The following SLCO1B3 variants were observed in gnomAD, a reference collection of about 807,000 sequenced individuals.
SLCO1B3 encodes the protein liver-specific organic anion transporter 2.
Under a neutral mutation model 71.8 loss-of-function variants are expected in SLCO1B3, and 72 were observed. The ratio of observed to expected loss-of-function variants is 1.00; its 90% CI spans 0.83 to 1.22. The LOEUF is 1.22. Among genes scored for constraint, SLCO1B3 ranks in the 50% most tolerant of loss-of-function variants. The pLI is 0.00. For synonymous variants in SLCO1B3, 298 were observed against 278.4 expected, an observed-to-expected ratio of 1.07 and a Z score of -0.70; for missense variants, 911 against 819.7, an observed-to-expected ratio of 1.11 and a Z score of -1.36.
intron 15 of SLCO1B3, among the ~76,000 whole-genome samples, chr12:20,902,808 A>G (rs1200287476): frequency 6.6e-6 from 1 of 152,012 alleles, no homozygotes; most frequent in Non-Finnish European, 1.5e-5. Flanking sequence ...GTGGCTCACA[A>G]CTGTAATCCT....
chr12:20,843,841 A>G (rs933375327), intron 3 of SLCO1B3, among the ~76,000 whole-genome samples: 14 of 151,600 alleles, frequency 9.2e-5, no homozygotes, highest in African/African-American at 2.7e-4. Context: ...TAAAATTGAT[A>G]TGCTTTCTTT....
intron 4 of SLCO1B3, among the ~76,000 whole-genome samples, chr12:20,855,914 A>G (rs1482143420): frequency 3.3e-5 from 5 of 151,874 alleles, no homozygotes; most frequent in Non-Finnish European, 7.4e-5. Flanking sequence ...CAAATTGTCT[A>G]TTATATAGAC....
At chr12:20,898,670 C>A (rs917117075) in intron 14 of SLCO1B3, among the ~76,000 whole-genome samples, 170 bp downstream of exon 14, 2 of 152,014 alleles carry the variant, frequency 1.3e-5, no homozygotes, top group African/African-American at 4.8e-5. Flanking sequence ...ATTGAGTGGT[C>A]TAAAAGATAA....
chr12:20,836,689 T>C (rs944997212), intron 3 of SLCO1B3, among the ~76,000 whole-genome samples: 1 of 152,182 alleles, frequency 6.6e-6, no homozygotes, highest in African/African-American at 2.4e-5. Context: ...TTATCCAGGC[T>C]GGAGTGCAGT....
intron 3 of SLCO1B3, among the ~76,000 whole-genome samples, chr12:20,816,093 T>C (rs1211047163): frequency 6.6e-6 from 1 of 152,212 alleles, no homozygotes; most frequent in African/African-American, 2.4e-5. Context: ...ATGTAGTAGG[T>C]ATGTATGTTT....
At chr12:20,838,561 A>T (rs1459954939) in intron 3 of SLCO1B3, among the ~76,000 whole-genome samples, 1 of 152,074 alleles carries the variant, frequency 6.6e-6, no homozygotes, top group Non-Finnish European at 1.5e-5. Flanking sequence ...GTACTTACAC[A>T]AGCCTAGATA....
chr12:20,871,189 C>T (rs1295083014), intron 8 of SLCO1B3, among the ~76,000 whole-genome samples: 2 of 152,138 alleles, frequency 1.3e-5, no homozygotes, highest in East Asian at 3.9e-4. Context: ...GTAATATTGG[C>T]CTCACAGAAG....
intron 9 of SLCO1B3, among the ~76,000 whole-genome samples, chr12:20,876,719 C>G (rs913302953): frequency 1.3e-5 from 2 of 152,062 alleles, no homozygotes; most frequent in Admixed American, 6.5e-5. Flanking sequence ...AAACATTTAC[C>G]AGCACATCAT....
At chr12:20,862,166 TA>T (rs1290011730) in intron 6 of SLCO1B3, among the ~76,000 whole-genome samples, 2 of 152,158 alleles carry the variant, frequency 1.3e-5, no homozygotes, top group Non-Finnish European at 2.9e-5. Flanking sequence ...TTTTGTGCAC[TA>T]AAAATGCAGA....
At chr12:20,845,721 T>C (rs1864903423) in intron 3 of SLCO1B3, among the ~76,000 whole-genome samples, 1 of 152,220 alleles carries the variant, frequency 6.6e-6, no homozygotes, top group Non-Finnish European at 1.5e-5. Context: ...TGTTCTGTAA[T>C]ATCTGTTAGG....
At chr12:20,865,640 G>A (rs964648170) in intron 8 of SLCO1B3, among the ~76,000 whole-genome samples, 18 of 151,964 alleles carry the variant, frequency 1.2e-4, no homozygotes, top group African/African-American at 2.4e-4. Flanking sequence ...GATTTGTGAC[G>A]ACATGAAAAA....
chr12:20,872,751 A>G (rs1321487679), intron 8 of SLCO1B3, among the ~76,000 whole-genome samples: 1 of 151,916 alleles, frequency 6.6e-6, no homozygotes, highest in African/African-American at 2.4e-5. Flanking sequence ...GGGCCTCAAA[A>G]CTCTGCCTGG....
intron 3 of SLCO1B3, among the ~76,000 whole-genome samples, chr12:20,838,406 A>G (rs1057240425): frequency 6.6e-6 from 1 of 151,950 alleles, no homozygotes; most frequent in African/African-American, 2.4e-5. Flanking sequence ...ATTTACTGTC[A>G]CCTTCTATCT....
rs1462739952 is a variant in SLCO1B3 at position 20,916,226 on chromosome 12, A to G, written c.2088A>G (p.Gln696=). 6.2e-6 allele frequency: 10 copies of G among 1,612,902 alleles called. No individual in the cohort carries two copies. Among genetic ancestry groups the G allele is most frequent in the Non-Finnish European group, 6.8e-6 (8 of 1,179,274 alleles). Residue 696 remains glutamine (Q), a synonymous_variant, in exon 16 of 16, where the codon CAA becomes CAG. Transcript: ENST00000381545. ...GTAAAACATGTAATTTGGACATGCAAGACAATGCTGCTGCCAACTAACATT... is the reference window on the plus strand; with the variant it reads ...GTAAAACATGTAATTTGGACATGCAGGACAATGCTGCTGCCAACTAACATT... ...TDSKTCNLDM[Q]DNAAAN
intron 8 of SLCO1B3, among the ~76,000 whole-genome samples, chr12:20,873,715 G>A (rs1472511048): frequency 6.6e-6 from 1 of 152,060 alleles, no homozygotes; most frequent in African/African-American, 2.4e-5. Context: ...CATCACCTAG[G>A]TATTAAGTCC....
intron 2 of SLCO1B3, among the ~76,000 whole-genome samples, chr12:20,814,566 T>A (rs1003236503): frequency 2.0e-5 from 3 of 152,072 alleles, no homozygotes; most frequent in African/African-American, 4.8e-5. Context: ...ACATTTATAT[T>A]AAAAGAGAAA....
chr12:20,885,031 A>T (rs897143470), intron 13 of SLCO1B3, among the ~76,000 whole-genome samples: 3 of 152,150 alleles, frequency 2.0e-5, no homozygotes, highest in Non-Finnish European at 4.4e-5. Flanking sequence ...TTGCCTCTCA[A>T]CATGTTTTAG....
intron 3 of SLCO1B3, among the ~76,000 whole-genome samples, chr12:20,822,690 T>G (rs944716370): frequency 6.6e-6 from 1 of 152,152 alleles, no homozygotes; most frequent in Non-Finnish European, 1.5e-5. Context: ...GAATGGTCAG[T>G]TATTTATTTG....
At chr12:20,831,751 C>G (rs953758566) in intron 3 of SLCO1B3, among the ~76,000 whole-genome samples, 3 of 149,764 alleles carry the variant, frequency 2.0e-5, no homozygotes, top group African/African-American at 7.3e-5. Flanking sequence ...TAGGAGTATG[C>G]GCACATACAG....
Sources: allele counts gnomAD v4.1 joint callset (sites outside exome capture counted in the v4.1 genomes callset), GRCh38; gene constraint gnomAD v4.1.1; transcripts MANE v1.5; gene names NCBI Gene and HGNC (gene_info 2026-07-23, HGNC 2026-07-21).